Variants in CLSTN1 observed in about 807,000 individuals in gnomAD.
CLSTN1 encodes calsyntenin 1.
CLSTN1 carries 28 observed loss-of-function variants against 108.3 expected under a neutral mutation model. The observed-to-expected ratio is 0.26, with a 90% CI of 0.19 to 0.35. The LOEUF (loss-of-function observed/expected upper bound fraction) is 0.35. CLSTN1 is among the 10% of genes least tolerant of loss of function. The pLI, the probability that CLSTN1 is intolerant of heterozygous loss-of-function variation, is 1.00. For missense variants in CLSTN1, 1,157 were observed against 1,302.6 expected, an observed-to-expected ratio of 0.89 and a Z score of 1.72; for synonymous variants, 524 against 534.9, an observed-to-expected ratio of 0.98 and a Z score of 0.28.
intron 12 of CLSTN1, 23 bp from the exon 13 acceptor site, chr1:9,735,638 G>C: frequency 6.2e-7 from 1 of 1,613,930 alleles, no homozygotes; most frequent in Non-Finnish European, 8.5e-7. Context: ...CAGCCACAGA[G>C]AGGAGAAGAA....
In CLSTN1 at chr1:9,751,553, G is replaced by A; in HGVS notation, c.569C>T (p.Ala190Val). The change falls in exon 5 of 19, where the codon GCC becomes GTC. Residue 190 changes from alanine (A) to valine (V), a missense_variant. Coordinates refer to ENST00000377298, the MANE Select transcript of CLSTN1 (RefSeq NM_001009566.3). ...DSILRVEAVD[A>V]DCSPQFSQIC... ...CTGGCTGAACTGAGGGGAGCAGTCG[G>A]CATCCACGGCCTCCACCCTCAAAAT... is the stretch of plus-strand genomic sequence containing the variant. 2 of 1,614,164 alleles carry A rather than the reference G, an allele frequency of 1.2e-6. No homozygotes were observed. Among genetic ancestry groups the A allele is most frequent in the Non-Finnish European group, 1.7e-6 (2 of 1,180,030 alleles).
intron 2 of CLSTN1, among the ~76,000 whole-genome samples, chr1:9,770,999 A>G (rs975923315): frequency 6.6e-6 from 1 of 152,108 alleles, no homozygotes; most frequent in Admixed American, 6.5e-5. Flanking sequence ...TCTCAAAAAT[A>G]AAACAAAACA....
At chr1:9,812,302 T>C (rs919101922) in intron 1 of CLSTN1, among the ~76,000 whole-genome samples, 2 of 151,898 alleles carry the variant, frequency 1.3e-5, no homozygotes, top group Admixed American at 1.3e-4. Context: ...GATGGAAAGA[T>C]GAAGGGGAAA....
At chr1:9,819,694 T>C (rs550197350) in intron 1 of CLSTN1, among the ~76,000 whole-genome samples, 2 of 152,290 alleles carry the variant, frequency 1.3e-5, no homozygotes, top group Admixed American at 1.3e-4. Flanking sequence ...GAGTGAATGC[T>C]CTAAAATTGG....
At chr1:9,773,803 G>T (rs1380775159) in intron 1 of CLSTN1, among the ~76,000 whole-genome samples, 4 of 152,112 alleles carry the variant, frequency 2.6e-5, no homozygotes, top group African/African-American at 9.7e-5. Context: ...GTGTAATCAT[G>T]ACTCACTGCA....
intron 17 of CLSTN1, 100 bp from the exon 18 acceptor site, chr1:9,731,490 G>T: frequency 7.9e-7 from 1 of 1,262,550 alleles, no homozygotes; most frequent in Non-Finnish European, 1.1e-6. Context: ...GGGCTGGACA[G>T]CACGCTTCAG....
intron 7 of CLSTN1, among the ~76,000 whole-genome samples, chr1:9,747,844 C>T (rs1203224562): frequency 6.6e-6 from 1 of 151,996 alleles, no homozygotes; most frequent in Non-Finnish European, 1.5e-5. Context: ...GAGATCGAGA[C>T]CATCCTGGCT....
At chr1:9,821,784 GA>G (rs1655200160) in intron 1 of CLSTN1, among the ~76,000 whole-genome samples, 1 of 152,006 alleles carries the variant, frequency 6.6e-6, no homozygotes, top group African/African-American at 2.4e-5. Context: ...CTTGCAACCT[GA>G]AAAAAATGCA....
rs192078369 is a variant in CLSTN1, at chr1:9,809,208, A to G, written c.91+14435T>C. On this transcript the variant is annotated intron_variant, in intron 1 of 18. Coordinates refer to ENST00000377298, the MANE Select transcript of CLSTN1 (RefSeq NM_001009566.3). ...GCCTCCCAGAGCCCTCCCTGAGAAG[A>G]CACAGGATGTGAGTGACAGCCCATC... Among the ~76,000 whole-genome samples the G allele has an allele frequency of 5.9e-4, 90 of 152,304 alleles. 2 individuals are homozygous for G. Among genetic ancestry groups the G allele is most frequent in the Admixed American group, 5.9e-3 (90 of 15,290 alleles).
intron 9 of CLSTN1, among the ~76,000 whole-genome samples, chr1:9,743,574 G>A (rs1179860022): frequency 6.6e-6 from 1 of 152,108 alleles, no homozygotes; most frequent in Non-Finnish European, 1.5e-5. Flanking sequence ...TGGAGACGGG[G>A]TCTCACTCTG....
At chr1:9,738,487 C>T (rs1023440092) in intron 10 of CLSTN1, among the ~76,000 whole-genome samples, 5 of 152,174 alleles carry the variant, frequency 3.3e-5, no homozygotes, top group African/African-American at 9.7e-5. Flanking sequence ...GTGCTACCTC[C>T]ACACACACCA....
intron 1 of CLSTN1, among the ~76,000 whole-genome samples, chr1:9,775,559 A>T (rs4845976): frequency 6.6e-6 from 1 of 151,872 alleles, no homozygotes; most frequent in Non-Finnish European, 1.5e-5. Context: ...TCCCTGAGCC[A>T]GCAGTATCTC....
intron 9 of CLSTN1, among the ~76,000 whole-genome samples, chr1:9,743,405 C>T (rs546252218): frequency 1.8e-4 from 27 of 152,288 alleles, no homozygotes; most frequent in Admixed American, 4.6e-4. Flanking sequence ...CTCATCTCTA[C>T]TAGAAATACA....
chr1:9,755,396 G>T lies in CLSTN1; in HGVS notation c.245-87C>A, dbSNP rs181939190. 462 of 1,124,942 alleles carry T rather than the reference G, an allele frequency of 4.1e-4. 4 individuals carry two copies. Among genetic ancestry groups the T allele is most frequent in the Non-Finnish European group, 1.0e-4 (82 of 780,986 alleles). The allele number at this position is 1,124,942 out of a possible 1,614,324, so 69.7% of individuals were successfully genotyped here. A position where few individuals can be genotyped will look rare whatever the true frequency, so the allele number is the denominator to read the frequency against. On this transcript the variant is annotated intron_variant, in intron 3 of 18. Transcript: ENST00000377298. Reference sequence around the variant, plus strand: ...TCCTCCCCCCATCTCCACCCCCAAAGAAAATAAATGACAACAATTTGGCAG... The same window carrying T: ...TCCTCCCCCCATCTCCACCCCCAAATAAAATAAATGACAACAATTTGGCAG...
In CLSTN1 at chr1:9,751,667, A is replaced by G; in HGVS notation, c.455T>C (p.Ile152Thr). 1 of 1,614,166 alleles carries G rather than the reference A, an allele frequency of 6.2e-7. No individual in the cohort carries two copies. The highest frequency in any genetic ancestry group is 1.1e-5 in the South Asian group (1 of 91,082). Reference protein sequence around the residue: ...VKKSHKATVHIQVNDVNEYAP... With the variant: ...VKKSHKATVHTQVNDVNEYAP... ...GTACTCATTCACGTCGTTCACCTGA[A>G]TATGAACAGTTGCTCTGGACAAAGG... The change falls in exon 5 of 19, where the codon ATT becomes ACT. Residue 152 changes from isoleucine (I) to threonine (T), a missense_variant. Physicochemically the swap from Ile to Thr is moderately conservative, Grantham distance 89. Coordinates refer to ENST00000377298, the MANE Select transcript of CLSTN1 (RefSeq NM_001009566.3).
chr1:9,760,681 C>T lies in CLSTN1; in HGVS notation c.215-4171G>A, dbSNP rs1043940936. Among the ~76,000 whole-genome samples the T allele has an allele frequency of 7.0e-5, 10 of 142,796 alleles. 1 individual carries two copies. In the South Asian group the frequency reaches 1.9e-3, roughly 27 times the overall value. 93.7% of individuals were successfully genotyped at this position (142,796 alleles called of 152,430 possible). ...ACCACAGGTGCATGCCACCCATTCC[C>T]GGGTTTTTTTTTTTTTTTTTTTTTT... On this transcript the variant is annotated intron_variant, in intron 2 of 18. Transcript: ENST00000377298.
chr1:9,797,451 T>C (rs1654060455), intron 1 of CLSTN1, among the ~76,000 whole-genome samples: 1 of 152,132 alleles, frequency 6.6e-6, no homozygotes, highest in South Asian at 2.1e-4. Context: ...CTGGTCAACA[T>C]TAATGAGACC....
chr1:9,769,835 G>A (rs549391197), intron 2 of CLSTN1, among the ~76,000 whole-genome samples: 2 of 152,148 alleles, frequency 1.3e-5, no homozygotes, highest in Admixed American at 6.6e-5. Context: ...GAGGTCAGGA[G>A]ATTGAGACCA....
At chr1:9,736,933 C>T (rs1650721624) in intron 11 of CLSTN1, among the ~76,000 whole-genome samples, 1 of 152,044 alleles carries the variant, frequency 6.6e-6, no homozygotes, top group African/African-American at 2.4e-5. Flanking sequence ...ATTAGCTGGG[C>T]ATGGTGGTGC....
Sources: allele counts gnomAD v4.1 joint callset (sites outside exome capture counted in the v4.1 genomes callset), GRCh38; gene constraint gnomAD v4.1.1; transcripts MANE v1.5; gene names NCBI Gene and HGNC (gene_info 2026-07-23, HGNC 2026-07-21).